Variants in CHD9 observed in about 807,000 individuals in gnomAD.
CHD9 encodes chromodomain helicase DNA binding protein 9.
A neutral mutation model predicts 316.1 loss-of-function variants in CHD9; 77 were observed. That is an observed-to-expected ratio of 0.24 (90% CI 0.20 to 0.29). The LOEUF is 0.29. Among genes scored for constraint, CHD9 ranks in the 10% least tolerant of loss-of-function variants. The pLI is 1.00. For missense variants in CHD9, 2,763 were observed against 3,438.1 expected, an observed-to-expected ratio of 0.80 and a Z score of 4.91; for synonymous variants, 1,129 against 1,158.3, an observed-to-expected ratio of 0.97 and a Z score of 0.51.
chr16:53,208,696 A>G, intron 2 of CHD9: 2 of 989,060 alleles, frequency 2.0e-6, no homozygotes, highest in Non-Finnish European at 2.4e-6. Context: ...GTATAGTCAG[A>G]GGCATGTTTA....
At chr16:53,205,449 T>A (rs528048764) in intron 2 of CHD9, among the ~76,000 whole-genome samples, 2 of 152,304 alleles carry the variant, frequency 1.3e-5, no homozygotes, top group East Asian at 3.9e-4. Flanking sequence ...TAAGTAGATT[T>A]GGCAGAATTT....
chr16:53,131,114 C>G (rs915547044), intron 1 of CHD9: 3 of 152,040 alleles, frequency 2.0e-5, no homozygotes, highest in Non-Finnish European at 4.4e-5. Context: ...GGGGAGGAAG[C>G]CCGGGGGCAC....
intron 1 of CHD9, 63 bp from the exon 2 acceptor site, chr16:53,155,863 T>G (rs2041487433): frequency 4.1e-6 from 2 of 488,130 alleles, no homozygotes; most frequent in Non-Finnish European, 7.2e-6. Context: ...TCAGAGTTCA[T>G]TTTTGTTGTA....
chr16:53,314,886 C>G lies in CHD9; in HGVS notation c.7426C>G (p.Gln2476Glu). The G allele has an allele frequency of 6.2e-7, 1 of 1,613,792 alleles. No individual in the cohort carries two copies. Among genetic ancestry groups the G allele is most frequent in the Non-Finnish European group, 8.5e-7 (1 of 1,179,780 alleles). ...GATAAATCCAGCACTATCCTATACT[C>G]AACCTCAAGGAATTCCTGATACAGA... Reference protein sequence around the residue: ...TGINPALSYTQPQGIPDTESP... With the variant: ...TGINPALSYTEPQGIPDTESP... Residue 2476 changes from glutamine (Q) to glutamate (E), a missense_variant, in exon 36 of 39, where the codon CAA becomes GAA. Coordinates refer to ENST00000447540, the MANE Select transcript of CHD9 (RefSeq NM_001308319.2).
At chr16:53,296,636 G>A (rs1040059691) in intron 29 of CHD9, among the ~76,000 whole-genome samples, 1 of 151,618 alleles carries the variant, frequency 6.6e-6, no homozygotes, top group South Asian at 2.1e-4. Flanking sequence ...TAATAGAGAC[G>A]GGGTTTCACC....
At chr16:53,265,402 A>T (rs543730306) in intron 20 of CHD9, among the ~76,000 whole-genome samples, 355 of 152,250 alleles carry the variant, frequency 2.3e-3, no homozygotes, top group African/African-American at 8.0e-3. Context: ...ACCTTTCTTT[A>T]AAAAATTAAA....
rs35052198 is a variant in CHD9, at chr16:53,088,275, C to CTTTTTTTTTTTTTTTTTTTTT, written c.-165+33201_-165+33202insTTTTTTTTTTTTTTTTTTTTT. On this transcript the variant is annotated intron_variant, in intron 1 of 38. Transcript: ENST00000447540. Reference sequence around the variant, plus strand: ...CTGTAATCAAGGAAAATGACATGCACTTTGTTTTTTTTTTTTTTTTGAGAT... The same window carrying CTTTTTTTTTTTTTTTTTTTTT: ...CTGTAATCAAGGAAAATGACATGCACTTTTTTTTTTTTTTTTTTTTTTTTGTTTTTTTTTTTTTTTTGAGAT... Among the ~76,000 whole-genome samples, 11 of 127,050 alleles carry CTTTTTTTTTTTTTTTTTTTTT rather than the reference C, an allele frequency of 8.7e-5. 4 individuals carry two copies. Among genetic ancestry groups the CTTTTTTTTTTTTTTTTTTTTT allele is most frequent in the African/African-American group, 1.2e-4 (4 of 33,406 alleles). The allele number at this position is 127,050 out of a possible 152,430, so 83.3% of individuals were successfully genotyped here.
chr16:53,238,651 A>G (rs2048829507), intron 12 of CHD9, 65 bp downstream of exon 12: 2 of 1,494,172 alleles, frequency 1.3e-6, no homozygotes, highest in Non-Finnish European at 9.1e-7. Flanking sequence ...AGCATTACCT[A>G]CCAATTATTT....
At chr16:53,267,530 T>C in intron 21 of CHD9, 40 bp downstream of exon 21, 1 of 1,364,182 alleles carries the variant, frequency 7.3e-7, no homozygotes, top group Non-Finnish European at 1.0e-6. Flanking sequence ...AGTAGTCTGG[T>C]ATGTAATGTT....
chr16:53,287,840 G>T, intron 26 of CHD9, 117 bp from the exon 27 acceptor site: 1 of 787,612 alleles, frequency 1.3e-6, no homozygotes, highest in East Asian at 2.5e-5. Context: ...TCTGGCTAGA[G>T]AAGAGACGTC....
chr16:53,286,944 A>G (rs147296890), intron 26 of CHD9, among the ~76,000 whole-genome samples: 2 of 152,148 alleles, frequency 1.3e-5, no homozygotes, highest in African/African-American at 4.8e-5. Context: ...GTACATGTTC[A>G]GTACAGATGC....
At chr16:53,274,694 G>A (rs1343928393) in intron 24 of CHD9, among the ~76,000 whole-genome samples, 1 of 152,078 alleles carries the variant, frequency 6.6e-6, no homozygotes, top group African/African-American at 2.4e-5. Flanking sequence ...CTGACCTCAG[G>A]TGATCCATCC....
intron 10 of CHD9, among the ~76,000 whole-genome samples, chr16:53,233,552 G>T (rs2048360026): frequency 1.3e-5 from 2 of 152,062 alleles, no homozygotes; most frequent in South Asian, 4.2e-4. Flanking sequence ...AGGCATGATT[G>T]ATTCAATCAT....
At chr16:53,253,264 T>TA (rs1225436604) in intron 17 of CHD9, among the ~76,000 whole-genome samples, 3 of 151,864 alleles carry the variant, frequency 2.0e-5, no homozygotes, top group Non-Finnish European at 4.4e-5. Flanking sequence ...TGCACAGCCA[T>TA]AAAAAACAAT....
At chr16:53,241,428 C>T (rs2152948328) in intron 12 of CHD9, among the ~76,000 whole-genome samples, 1 of 152,284 alleles carries the variant, frequency 6.6e-6, no homozygotes. Flanking sequence ...CTTTGAATAC[C>T]ATCTGTACTG....
At chr16:53,161,553 A>T (rs2041914534) in intron 2 of CHD9, among the ~76,000 whole-genome samples, 1 of 152,208 alleles carries the variant, frequency 6.6e-6, no homozygotes, top group East Asian at 1.9e-4. Flanking sequence ...ATGTGTATAA[A>T]AGTTAACAGA....
chr16:53,125,266 T>G (rs2152665406), intron 1 of CHD9, among the ~76,000 whole-genome samples: 1 of 149,016 alleles, frequency 6.7e-6, no homozygotes, highest in East Asian at 2.0e-4. Context: ...CTCTGTCACT[T>G]AGGCTGGAGT....
intron 10 of CHD9, among the ~76,000 whole-genome samples, chr16:53,234,952 T>C (rs1470246549): frequency 6.6e-6 from 1 of 152,158 alleles, no homozygotes; most frequent in African/African-American, 2.4e-5. Flanking sequence ...GGTGATGTCT[T>C]TGTCTGATTT....
At chr16:53,162,603 G>A (rs149376831) in intron 2 of CHD9, among the ~76,000 whole-genome samples, 80 of 146,976 alleles carry the variant, frequency 5.4e-4, no homozygotes, top group East Asian at 2.4e-3. Flanking sequence ...TTCGAAACAG[G>A]AAATAGAATT....
Sources: allele counts gnomAD v4.1 joint callset (sites outside exome capture counted in the v4.1 genomes callset), GRCh38; gene constraint gnomAD v4.1.1; transcripts MANE v1.5; gene names NCBI Gene and HGNC (gene_info 2026-07-23, HGNC 2026-07-21).